The following SYT16 variants were observed in gnomAD, a reference collection of about 807,000 sequenced individuals.
SYT16 encodes the protein synaptotagmin-16.
SYT16 carries 42 observed loss-of-function variants against 61.4 expected under a neutral mutation model. The ratio of observed to expected loss-of-function variants is 0.68; its 90% CI spans 0.53 to 0.89. SYT16 has a LOEUF of 0.89. Ranked by LOEUF, SYT16 falls within the 40% of genes least tolerant of loss-of-function variation. The probability of loss-of-function intolerance (pLI) is 0.00; values close to 1 mark genes in which losing one functional copy is unlikely to be tolerated. For synonymous variants in SYT16, 314 were observed against 302.3 expected (o/e 1.04, Z -0.40); for missense variants, 804 against 807.3 (o/e 1.00, Z 0.05).
intron 3 of SYT16, among the ~76,000 whole-genome samples, chr14:62,013,035 A>G (rs924884267): frequency 2.6e-5 from 4 of 152,222 alleles, no homozygotes; most frequent in African/African-American, 9.6e-5. Context: ...AGAGAGTGAC[A>G]TCCTTAACTA....
chr14:61,893,745 C>T (rs1330615679), intron 1 of SYT16, among the ~76,000 whole-genome samples: 2 of 152,162 alleles, frequency 1.3e-5, no homozygotes, highest in Non-Finnish European at 2.9e-5. Context: ...GTTCAGTGGT[C>T]ACCATTCCAA....
chr14:61,913,218 G>T (rs909787556), intron 1 of SYT16, among the ~76,000 whole-genome samples: 2 of 152,074 alleles, frequency 1.3e-5, no homozygotes, highest in African/African-American at 2.4e-5. Flanking sequence ...ATGAGTATAG[G>T]GATTTTGTCC....
At chr14:61,843,456 G>A (rs1367712556) in intron 1 of SYT16, among the ~76,000 whole-genome samples, 2 of 152,160 alleles carry the variant, frequency 1.3e-5, no homozygotes, top group Non-Finnish European at 2.9e-5. Flanking sequence ...TGCCTGTGGG[G>A]TATTACTGAA....
At chr14:62,077,914 G>A (rs1202504679) in intron 5 of SYT16, among the ~76,000 whole-genome samples, 1 of 152,102 alleles carries the variant, frequency 6.6e-6, no homozygotes, top group Non-Finnish European at 1.5e-5. Context: ...GCATTTATCC[G>A]AAGAGACAGC....
intron 7 of SYT16, among the ~76,000 whole-genome samples, chr14:62,098,890 C>T (rs1401123814): frequency 6.6e-6 from 1 of 152,062 alleles, no homozygotes; most frequent in Non-Finnish European, 1.5e-5. Context: ...CAAATATTCC[C>T]AGATAAAGTG....
At chr14:62,039,834 TACAC>T (rs71449576) in intron 3 of SYT16, among the ~76,000 whole-genome samples, 7,739 of 124,306 alleles carry the variant, frequency 0.062, 233 homozygotes, top group African/African-American at 0.069. Flanking sequence ...GGCTTAAGCA[TACAC>T]ACACACACAC....
chr14:61,841,596 G>C (rs957901565), intron 1 of SYT16, among the ~76,000 whole-genome samples: 1 of 152,130 alleles, frequency 6.6e-6, no homozygotes, highest in African/African-American at 2.4e-5. Context: ...GGTGGGGGTT[G>C]GGCTTCTAGT....
chr14:62,052,885 A>C (rs1051877271), intron 3 of SYT16, among the ~76,000 whole-genome samples: 2 of 152,204 alleles, frequency 1.3e-5, no homozygotes, highest in African/African-American at 4.8e-5. Flanking sequence ...AACTATAAGA[A>C]ATAAATGTCT....
intron 1 of SYT16, among the ~76,000 whole-genome samples, chr14:61,870,742 T>C (rs1224823812): frequency 2.0e-5 from 3 of 152,224 alleles, no homozygotes; most frequent in African/African-American, 7.2e-5. Context: ...ATCTCATCAG[T>C]GTATTTTTCA....
chr14:62,009,810 C>G (rs2053372894), intron 3 of SYT16, among the ~76,000 whole-genome samples: 3 of 152,212 alleles, frequency 2.0e-5, no homozygotes, highest in Admixed American at 1.3e-4. Flanking sequence ...GCAACCCACT[C>G]AGAGGAATAG....
chr14:61,897,757 T>A (rs1165721706), intron 1 of SYT16, among the ~76,000 whole-genome samples: 1 of 152,064 alleles, frequency 6.6e-6, no homozygotes, highest in Non-Finnish European at 1.5e-5. Flanking sequence ...ATCTGGGAGA[T>A]AAAAGAAAAA....
At chr14:61,912,174 C>T (rs1437860574) in intron 1 of SYT16, among the ~76,000 whole-genome samples, 1 of 152,130 alleles carries the variant, frequency 6.6e-6, no homozygotes, top group South Asian at 2.1e-4. Flanking sequence ...ATGTCCCATG[C>T]TGGGAGACTA....
chr14:62,039,948 A>T (rs1018659058), intron 3 of SYT16, among the ~76,000 whole-genome samples: 2 of 151,974 alleles, frequency 1.3e-5, no homozygotes, highest in Non-Finnish European at 2.9e-5. Context: ...ATATCCAGTG[A>T]GTGCTGGATA....
At chr14:61,852,234 T>G (rs897436207) in intron 1 of SYT16, among the ~76,000 whole-genome samples, 1 of 152,186 alleles carries the variant, frequency 6.6e-6, no homozygotes, top group Non-Finnish European at 1.5e-5. Context: ...GTTGTAGGTG[T>G]GCAGTCTTAT....
intron 1 of SYT16, among the ~76,000 whole-genome samples, chr14:61,936,919 G>A (rs1369411437): frequency 1.3e-5 from 2 of 152,288 alleles, no homozygotes; most frequent in Admixed American, 1.3e-4. Flanking sequence ...AGGGGTACCC[G>A]TGCATCCTTG....
intron 3 of SYT16, among the ~76,000 whole-genome samples, chr14:62,044,317 A>T (rs1486632294): frequency 2.6e-5 from 4 of 152,110 alleles, no homozygotes; most frequent in Non-Finnish European, 5.9e-5. Context: ...AATTTCTGGG[A>T]TACATGTGCA....
chr14:61,975,179 A>T (rs1252778421), intron 2 of SYT16, among the ~76,000 whole-genome samples: 1 of 152,234 alleles, frequency 6.6e-6, no homozygotes, highest in African/African-American at 2.4e-5. Context: ...CATGTGTTGA[A>T]CCATTGTAAG....
intron 1 of SYT16, among the ~76,000 whole-genome samples, chr14:61,920,663 C>T (rs2049299059): frequency 6.6e-6 from 1 of 152,186 alleles, no homozygotes; most frequent in Non-Finnish European, 1.5e-5. Flanking sequence ...CTCCTGATTT[C>T]TCTCACTCCC....
chr14:61,813,597 A>T (rs1212013431), intron 1 of SYT16, among the ~76,000 whole-genome samples: 1 of 152,094 alleles, frequency 6.6e-6, no homozygotes, highest in Non-Finnish European at 1.5e-5. Context: ...CATGTTAGGG[A>T]CTTCATTAGA....
Sources: allele counts gnomAD v4.1 joint callset (sites outside exome capture counted in the v4.1 genomes callset), GRCh38; gene constraint gnomAD v4.1.1; transcripts MANE v1.5; gene names NCBI Gene and HGNC (gene_info 2026-07-23, HGNC 2026-07-21).